The following MTF2 variants were observed in gnomAD, a reference collection of about 807,000 sequenced individuals.
The protein encoded by MTF2 is metal-response element-binding transcription factor 2.
Under a neutral mutation model 79.5 loss-of-function variants are expected in MTF2, and 11 were observed. The observed-to-expected ratio is 0.14, with a 90% CI of 0.09 to 0.23. The LOEUF is 0.23. Among genes scored for constraint, MTF2 ranks in the 10% least tolerant of loss-of-function variants. The pLI is 1.00. For synonymous variants in MTF2, 208 were observed against 232.8 expected, an observed-to-expected ratio of 0.89 and a Z score of 0.97; for missense variants, 486 against 711.2, an observed-to-expected ratio of 0.68 and a Z score of 3.60.
intron 1 of MTF2, among the ~76,000 whole-genome samples, chr1:93,108,248 ATTAC>A (rs1421423316): frequency 6.6e-6 from 1 of 151,718 alleles, no homozygotes; most frequent in African/African-American, 2.4e-5. Flanking sequence ...GTCTTTTATA[ATTAC>A]TTTTGTTGGT....
chr1:93,120,844 C>T (rs1656444684), intron 9 of MTF2, 172 bp downstream of exon 9: 2 of 1,327,522 alleles, frequency 1.5e-6, no homozygotes, highest in African/African-American at 1.5e-5. Context: ...GCCTTCTCAT[C>T]CTCCTGTGTG....
chr1:93,080,409 A>G (rs970831946), intron 1 of MTF2, among the ~76,000 whole-genome samples: 1 of 152,230 alleles, frequency 6.6e-6, no homozygotes, highest in African/African-American at 2.4e-5. Flanking sequence ...GAGGGAACAG[A>G]TGGATTTATC....
intron 11 of MTF2, among the ~76,000 whole-genome samples, chr1:93,131,993 CAG>C (rs1338294566): frequency 6.6e-6 from 1 of 151,106 alleles, no homozygotes; most frequent in African/African-American, 2.4e-5. Context: ...GAGACTTGTA[CAG>C]AGAGGGGAAT....
chr1:93,121,019 C>G, intron 9 of MTF2: 1 of 1,035,118 alleles, frequency 9.7e-7, no homozygotes, highest in Middle Eastern at 4.6e-4. Context: ...TCTAAGTTTT[C>G]TATAAACTTA....
At chr1:93,092,057 A>G (rs1401824580) in intron 1 of MTF2, among the ~76,000 whole-genome samples, 1 of 152,164 alleles carries the variant, frequency 6.6e-6, no homozygotes, top group Non-Finnish European at 1.5e-5. Context: ...TGGATGTCTT[A>G]GATGAGCCTT....
intron 1 of MTF2, among the ~76,000 whole-genome samples, chr1:93,104,534 C>G (rs949179766): frequency 6.6e-6 from 1 of 151,684 alleles, no homozygotes; most frequent in African/African-American, 2.4e-5. Context: ...CAAAAATTAG[C>G]TGGGCGTGGT....
At chr1:93,123,210 CTTT>C (rs749700655) in intron 9 of MTF2, among the ~76,000 whole-genome samples, 2 of 94,210 alleles carry the variant, frequency 2.1e-5, no homozygotes, top group Admixed American at 1.1e-4. Flanking sequence ...TCAGCTCTTT[CTTT>C]TTTTTTTTTT....
chr1:93,089,621 G>T (rs534186524), intron 1 of MTF2, among the ~76,000 whole-genome samples: 99 of 152,238 alleles, frequency 6.5e-4, no homozygotes, highest in Non-Finnish European at 1.0e-3. Flanking sequence ...GTACTTCACT[G>T]TATCACGGTA....
intron 1 of MTF2, among the ~76,000 whole-genome samples, chr1:93,099,295 G>A (rs1454364707): frequency 6.6e-6 from 1 of 152,220 alleles, no homozygotes; most frequent in East Asian, 1.9e-4. Context: ...CTGCATCAAA[G>A]GAGAGTCTAA....
chr1:93,083,643 T>A (rs1321830727), intron 1 of MTF2, among the ~76,000 whole-genome samples: 1 of 152,212 alleles, frequency 6.6e-6, no homozygotes, highest in South Asian at 2.1e-4. Flanking sequence ...ACTGCCAAAC[T>A]GTTTTTCAAA....
At chr1:93,134,360 C>A in intron 14 of MTF2, 165 bp downstream of exon 14, 2 of 571,892 alleles carry the variant, frequency 3.5e-6, no homozygotes, top group Non-Finnish European at 6.1e-6. Flanking sequence ...TGTTAATATT[C>A]ATTTGAAATA....
At chr1:93,130,865 C>G (rs1463276314) in intron 11 of MTF2, among the ~76,000 whole-genome samples, 1 of 152,028 alleles carries the variant, frequency 6.6e-6, no homozygotes, top group Non-Finnish European at 1.5e-5. Flanking sequence ...TAATCAAGAT[C>G]TGGAAGAACA....
At chr1:93,111,869 A>C (rs77355642) in intron 3 of MTF2, among the ~76,000 whole-genome samples, 4,532 of 152,142 alleles carry the variant, frequency 0.03, 197 homozygotes, top group African/African-American at 0.1. Context: ...GCAGTGAAAC[A>C]TGTTATGCTG....
chr1:93,121,720 TTTG>T (rs1656487954), intron 9 of MTF2: 3 of 944,442 alleles, frequency 3.2e-6, no homozygotes, highest in Middle Eastern at 5.5e-4. Flanking sequence ...CATACAAATT[TTTG>T]TTAAGTTTTC....
At chr1:93,128,596 T>G (rs1159603642) in intron 10 of MTF2, among the ~76,000 whole-genome samples, 2 of 151,118 alleles carry the variant, frequency 1.3e-5, no homozygotes, top group Non-Finnish European at 2.9e-5. Flanking sequence ...GGGAGAACAT[T>G]CTAAACAACT....
At chr1:93,120,881 T>G (rs1656447626) in intron 9 of MTF2, 1 of 1,256,660 alleles carries the variant, frequency 8.0e-7, no homozygotes, top group Non-Finnish European at 1.0e-6. Flanking sequence ...TCTGGAAATT[T>G]GTAGAAGGAG....
chr1:93,121,734 T>A (rs1259009209), intron 9 of MTF2: 4 of 933,694 alleles, frequency 4.3e-6, no homozygotes, highest in Non-Finnish European at 5.1e-6. Flanking sequence ...TTAAGTTTTC[T>A]GTTAAATACT....
At chr1:93,106,988 T>C (rs1655822241) in intron 1 of MTF2, among the ~76,000 whole-genome samples, 1 of 152,238 alleles carries the variant, frequency 6.6e-6, no homozygotes, top group African/African-American at 2.4e-5. Context: ...TCTCTTGCAC[T>C]GATCTTGTCA....
intron 5 of MTF2, 57 bp downstream of exon 5, chr1:93,115,145 C>A: frequency 7.8e-7 from 1 of 1,276,244 alleles, no homozygotes; most frequent in Non-Finnish European, 1.1e-6. Flanking sequence ...ACATTATCAA[C>A]ATAATGATTG....
Sources: allele counts gnomAD v4.1 joint callset (sites outside exome capture counted in the v4.1 genomes callset), GRCh38; gene constraint gnomAD v4.1.1; transcripts MANE v1.5; gene names NCBI Gene and HGNC (gene_info 2026-07-23, HGNC 2026-07-21).